Variants in MIA3 observed in about 807,000 individuals in gnomAD.
MIA3 encodes transport and Golgi organization protein 1 homolog.
A neutral mutation model predicts 192.4 loss-of-function variants in MIA3; 90 were observed. That is an observed-to-expected ratio of 0.47 (90% CI 0.39 to 0.56). The LOEUF is 0.56. Ranked by LOEUF, MIA3 falls within the 20% of genes least tolerant of loss-of-function variation. MIA3 has a pLI of 0.00. For synonymous variants in MIA3, 740 were observed against 792.8 expected (o/e 0.93, Z 1.12); for missense variants, 2,123 against 2,269.4 (o/e 0.94, Z 1.31).
chr1:222,625,148 T>C (rs892283436), intron 3 of MIA3, among the ~76,000 whole-genome samples: 1 of 152,044 alleles, frequency 6.6e-6, no homozygotes, highest in Non-Finnish European at 1.5e-5. Context: ...TAGCTGGGAC[T>C]ATAGGCGCCC....
chr1:222,626,093 T>C (rs1349726489), intron 3 of MIA3, among the ~76,000 whole-genome samples: 1 of 152,232 alleles, frequency 6.6e-6, no homozygotes, highest in Non-Finnish European at 1.5e-5. Flanking sequence ...TTAGAATTTA[T>C]AGTAATTGAT....
chr1:222,647,789 G>A (rs1482995324), intron 7 of MIA3: 1 of 229,690 alleles, frequency 4.4e-6, no homozygotes, highest in Non-Finnish European at 9.5e-6. Flanking sequence ...AAATGGAGCA[G>A]AGGAATTAGC....
At chr1:222,641,530 T>A in intron 6 of MIA3, 1 of 499,952 alleles carries the variant, frequency 2.0e-6, no homozygotes, top group Admixed American at 2.1e-5. Flanking sequence ...TTTCTCTATC[T>A]GCTTGGTTAG....
chr1:222,626,972 T>C (rs569993639), intron 3 of MIA3, among the ~76,000 whole-genome samples: 31 of 152,276 alleles, frequency 2.0e-4, no homozygotes, highest in Admixed American at 7.8e-4. Context: ...TAAGGTGAAT[T>C]CCCAGAACAT....
chr1:222,641,576 C>A, intron 6 of MIA3: 1 of 512,738 alleles, frequency 2.0e-6, no homozygotes. Context: ...TCCTTGGCAT[C>A]CTCGGCTATC....
chr1:222,630,106 G>T lies in MIA3; in HGVS notation c.2886G>T (p.Ala962=). 1 of 1,614,230 alleles carries T rather than the reference G, an allele frequency of 6.2e-7. No individual in the cohort carries two copies. Among genetic ancestry groups the T allele is most frequent in the Non-Finnish European group, 8.5e-7 (1 of 1,180,036 alleles). ...LQEMSSKLKS[A]QQESLPYNME... The stretch of plus-strand genomic sequence containing the variant: ...AAATGTCATCAAAACTGAAGTCAGC[G>T]CAGCAGGAGAGCCTGCCCTATAATA... The change falls in exon 4 of 28, where the codon GCG becomes GCT. Residue 962 remains alanine, a synonymous_variant. Coordinates refer to ENST00000344922, the MANE Select transcript of MIA3 (RefSeq NM_198551.4).
At chr1:222,641,540 G>A in intron 6 of MIA3, 1 of 503,322 alleles carries the variant, frequency 2.0e-6, no homozygotes, top group South Asian at 1.5e-5. Flanking sequence ...TGCTTGGTTA[G>A]GAAGTCTGTC....
In MIA3 at chr1:222,645,575, G is replaced by C. The variant is rs777978817; in HGVS notation, c.3499G>C (p.Asp1167His). Reference sequence around the variant, plus strand: ...TCAGCTAGTTGCTACATTGCCTGATGATGTTCAGCCTGGGCCTGATTTTTA... The same window carrying C: ...TCAGCTAGTTGCTACATTGCCTGATCATGTTCAGCCTGGGCCTGATTTTTA... ...TKSLVATLPDDVQPGPDFYGL... is the reference protein window; with the variant it reads ...TKSLVATLPDHVQPGPDFYGL... The change falls in exon 7 of 28, where the codon GAT becomes CAT. Residue 1167 changes from aspartate to histidine, a missense_variant. By Grantham distance (81) the Asp-to-His change is moderately conservative. This residue lies in a region of MIA3 where 1,357 missense variants were observed against 1,396.1 expected (regional missense o/e 0.97). Coordinates refer to ENST00000344922, the MANE Select transcript of MIA3 (RefSeq NM_198551.4). 2.6e-5 allele frequency: 42 copies of C among 1,612,058 alleles called. No homozygotes were observed. The highest frequency in any genetic ancestry group is 4.0e-5 in the African/African-American group (3 of 74,894).
intron 9 of MIA3, 37 bp from the exon 10 acceptor site, chr1:222,650,592 ATACTT>A (rs1467439919): frequency 7.3e-7 from 1 of 1,362,508 alleles, no homozygotes; most frequent in Non-Finnish European, 1.0e-6. Context: ...TGGTAGCACT[ATACTT>A]TATATTTCTG....
intron 3 of MIA3, among the ~76,000 whole-genome samples, chr1:222,626,389 CT>C (rs918732636): frequency 1.1e-4 from 17 of 152,094 alleles, no homozygotes; most frequent in Non-Finnish European, 2.2e-4. Context: ...GCATGATTCC[CT>C]TAATATTAAA....
chr1:222,665,697 C>CA lies in MIA3; in HGVS notation c.*82dup. On this transcript the variant is annotated 3_prime_UTR_variant, in exon 28 of 28. Transcript: ENST00000344922. ...TTACAGTAAAGGATTTCATTGGCTT[C>CA]AAAATCCAAAAGTTTATTTTAAAAG... The CA allele has an allele frequency of 8.2e-7, 1 of 1,220,842 alleles. No homozygotes were observed. The highest frequency in any genetic ancestry group is 1.1e-6 in the Non-Finnish European group (1 of 911,804). The allele number at this position is 1,220,842 out of a possible 1,614,324, so 75.6% of individuals were successfully genotyped here.
At chr1:222,618,341 G>GAACTCCCGTCCCC in intron 1 of MIA3, 98 bp downstream of exon 1, 2 of 1,186,020 alleles carry the variant, frequency 1.7e-6, no homozygotes, top group Non-Finnish European at 2.1e-6. Flanking sequence ...GGGCTGTGCG[G>GAACTCCCGTCCCC]GGACGGGAGT....
intron 1 of MIA3, among the ~76,000 whole-genome samples, chr1:222,619,621 A>G (rs891451683): frequency 1.3e-5 from 2 of 152,228 alleles, no homozygotes; most frequent in Admixed American, 1.3e-4. Context: ...GCCGTTGGCA[A>G]TGGCAAGATA....
rs377502583 is a variant in MIA3 at position 222,628,464 on chromosome 1, A to G, written c.1244A>G (p.Asp415Gly). ...AGTTCAGAGGAAGAAAAAGAAGATG[A>G]TGATGATGCATTAGTCCCAGATAGC... ...SSSSEEEKED[D>G]DDALVPDSKQ... Residue 415 changes from aspartate to glycine, a missense_variant, in exon 4 of 28, where the codon GAT becomes GGT. Physicochemically the swap from Asp to Gly is moderately conservative, Grantham distance 94 (BLOSUM62 -1). Transcript: ENST00000344922. 8.7e-6 allele frequency: 14 copies of G among 1,612,752 alleles called. No individual in the cohort carries two copies. Among genetic ancestry groups the G allele is most frequent in the African/African-American group, 6.7e-5 (5 of 74,860 alleles).
In MIA3 at chr1:222,653,129, A is replaced by G. The variant is rs201208677; in HGVS notation, c.4208A>G (p.Asn1403Ser). Residue 1403 changes from asparagine (N) to serine (S), a missense_variant and splice_region_variant, in exon 14 of 28, where the codon AAT becomes AGT. Asn to Ser is a conservative substitution (Grantham distance 46). Transcript: ENST00000344922. ...VALTHKDDNI[N>S]ALTNCITQLN... is the part of the protein sequence containing the mutation. ...CTTACTCACAAGGATGATAATATTA[A>G]TGTAAGTGCGTTCATGAATACAAGC... 6.2e-6 allele frequency: 10 copies of G among 1,606,778 alleles called. No individual in the cohort carries two copies. The South Asian group carries it at 9.9e-5, about 16-fold the overall frequency.
intron 6 of MIA3, among the ~76,000 whole-genome samples, chr1:222,638,022 G>T (rs1662706281): frequency 6.6e-6 from 1 of 152,112 alleles, no homozygotes; most frequent in African/African-American, 2.4e-5. Context: ...TATAATTGGA[G>T]ATTTCAGTAT....
rs1375682679 is a variant in MIA3 at position 222,667,305 on chromosome 1, T to C, written c.*1686T>C. ...AAGAGGAAAACTCCACAGAAGAGCATAGGCCACTTTTAGCCATGTAAAAAT... is the reference window on the plus strand; with the variant it reads ...AAGAGGAAAACTCCACAGAAGAGCACAGGCCACTTTTAGCCATGTAAAAAT... On this transcript the variant is annotated 3_prime_UTR_variant, in exon 28 of 28. Transcript: ENST00000344922. The C allele has an allele frequency of 6.6e-6, 1 of 152,208 alleles. No individual in the cohort carries two copies. Among genetic ancestry groups the C allele is most frequent in the African/African-American group, 2.4e-5 (1 of 41,452 alleles). 9.4% of individuals were successfully genotyped at this position (152,208 alleles called of 1,614,324 possible).
intron 3 of MIA3, among the ~76,000 whole-genome samples, chr1:222,626,918 A>G (rs1169454905): frequency 6.6e-6 from 1 of 152,186 alleles, no homozygotes. Flanking sequence ...AGAGGGCACA[A>G]TGTAGAGAAG....
chr1:222,631,866 C>T (rs1662411299), intron 4 of MIA3, among the ~76,000 whole-genome samples: 1 of 152,152 alleles, frequency 6.6e-6, no homozygotes, highest in African/African-American at 2.4e-5. Flanking sequence ...GAGTGGAATT[C>T]TCATTTGCAC....
Sources: allele counts gnomAD v4.1 joint callset (sites outside exome capture counted in the v4.1 genomes callset), GRCh38; gene constraint gnomAD v4.1.1; regional missense constraint gnomAD v4.1.1; transcripts MANE v1.5; gene names NCBI Gene and HGNC (gene_info 2026-07-23, HGNC 2026-07-21).